The following SLC39A11 variants were observed in gnomAD, a reference collection of about 807,000 sequenced individuals.
The protein encoded by SLC39A11 is zinc transporter ZIP11.
In SLC39A11, 33 loss-of-function variants were observed where a neutral mutation model predicts 36.1. The ratio of observed to expected loss-of-function variants is 0.91; its 90% confidence interval spans 0.69 to 1.22. SLC39A11 has a LOEUF of 1.22. Among genes scored for constraint, SLC39A11 ranks in the 50% most tolerant of loss-of-function variants. The pLI, the probability that SLC39A11 is intolerant of heterozygous loss-of-function variation, is 0.00. For missense variants in SLC39A11, 432 were observed against 430.3 expected (o/e 1.00, Z -0.03); for synonymous variants, 166 against 170.3 (o/e 0.97, Z 0.20).
At chr17:72,863,766 G>A (rs770039501) in intron 5 of SLC39A11, among the ~76,000 whole-genome samples, 6 of 152,202 alleles carry the variant, frequency 3.9e-5, no homozygotes, top group Non-Finnish European at 7.3e-5. Context: ...CCATGGCAAC[G>A]CACGAGCAAC....
chr17:73,018,218 A>G (rs1337228997), intron 4 of SLC39A11, among the ~76,000 whole-genome samples: 5 of 152,214 alleles, frequency 3.3e-5, no homozygotes, highest in Admixed American at 6.5e-5. Flanking sequence ...TCTCTTAACA[A>G]TAGACCACTG....
At chr17:72,772,634 T>G (rs755677) in intron 6 of SLC39A11, among the ~76,000 whole-genome samples, 21,352 of 152,158 alleles carry the variant, frequency 0.14, 1,573 homozygotes, top group Admixed American at 0.18. Context: ...CCTGTAGGCG[T>G]GTTCCTGTTG....
chr17:72,849,579 G>A lies in SLC39A11; in HGVS notation c.601+55C>T, dbSNP rs146605355. ...CCTTTTCCAGCCAGACAACTGTGCT[G>A]ACAAATGACTTTACCTTCAGGCAGT... On this transcript the variant is annotated intron_variant, in intron 6 of 9. Coordinates refer to ENST00000255559, the MANE Select transcript of SLC39A11 (RefSeq NM_139177.4). The A allele has an allele frequency of 6.5e-3, 9,319 of 1,423,426 alleles. 39 individuals carry two copies. The highest frequency in any genetic ancestry group is 7.6e-3 in the Non-Finnish European group (8,245 of 1,081,708). 88.2% of individuals were successfully genotyped at this position (1,423,426 alleles called of 1,614,324 possible).
At chr17:73,017,482 G>A (rs1001954455) in intron 4 of SLC39A11, among the ~76,000 whole-genome samples, 4 of 152,190 alleles carry the variant, frequency 2.6e-5, no homozygotes, top group South Asian at 2.1e-4. Context: ...GGAGGCTGAC[G>A]CAGGTGGATC....
chr17:72,648,136 C>A (rs2069654831), intron 9 of SLC39A11, among the ~76,000 whole-genome samples: 1 of 152,010 alleles, frequency 6.6e-6, no homozygotes, highest in Admixed American at 6.6e-5. Context: ...TTGAGACCAG[C>A]CTGGCTAACA....
rs562024142 is a variant in SLC39A11, at chr17:72,862,970, A to G, written c.431-13166T>C. ...CAAAACACAAAACAAACGACAAGAA[A>G]ACCCCACAAAAGCACTTGGGGAGCT... On this transcript the variant is annotated intron_variant, in intron 5 of 9. Coordinates refer to ENST00000255559, the MANE Select transcript of SLC39A11 (RefSeq NM_139177.4). Among the ~76,000 whole-genome samples, 17 of 152,304 alleles carry G rather than the reference A, an allele frequency of 1.1e-4. No homozygotes were observed. The South Asian group carries it at 3.3e-3, about 30-fold the overall frequency.
Position 72,988,054 on chromosome 17 carries a change from C to T in SLC39A11, c.307-40179G>A, listed in dbSNP as rs372435930. ...ATGGGGTCCATGAGATGTTTTGACA[C>T]AGCCATGCAGTGTGAAATAAGCACA... On this transcript the variant is annotated intron_variant, in intron 4 of 9. Transcript: ENST00000255559. 3.2e-4 allele frequency among the ~76,000 whole-genome samples: 49 copies of T among 152,302 alleles called. No homozygotes were observed. The South Asian group carries it at 9.7e-3, about 30-fold the overall frequency.
chr17:72,816,485 C>T (rs550047860), intron 6 of SLC39A11, among the ~76,000 whole-genome samples: 5 of 151,438 alleles, frequency 3.3e-5, no homozygotes, highest in East Asian at 3.9e-4. Flanking sequence ...AACTGCTTGA[C>T]GAACATTTGC....
At chr17:72,683,259 C>A (rs1215969548) in intron 7 of SLC39A11, among the ~76,000 whole-genome samples, 2 of 152,070 alleles carry the variant, frequency 1.3e-5, no homozygotes, top group Non-Finnish European at 2.9e-5. Context: ...AGTATACACC[C>A]CCATGGAAGA....
intron 4 of SLC39A11, among the ~76,000 whole-genome samples, chr17:73,004,244 G>GAAAGAA (rs1461670516): frequency 1.4e-5 from 2 of 146,608 alleles, no homozygotes; most frequent in African/African-American, 5.0e-5. Context: ...AAGAAAGAAA[G>GAAAGAA]AGAAAAAGCA....
At chr17:72,860,477 C>T (rs761728980) in intron 5 of SLC39A11, among the ~76,000 whole-genome samples, 7 of 152,176 alleles carry the variant, frequency 4.6e-5, no homozygotes, top group Non-Finnish European at 1.0e-4. Flanking sequence ...TCATTTCCTC[C>T]AGTTCCTCTC....
At chr17:73,026,690 C>T (rs973544919) in intron 4 of SLC39A11, among the ~76,000 whole-genome samples, 11 of 151,908 alleles carry the variant, frequency 7.2e-5, no homozygotes, top group African/African-American at 1.5e-4. Flanking sequence ...TGTTTTATAA[C>T]GAGATTTTTG....
intron 5 of SLC39A11, among the ~76,000 whole-genome samples, chr17:72,884,255 A>G (rs2081347490): frequency 6.6e-6 from 1 of 152,250 alleles, no homozygotes; most frequent in Non-Finnish European, 1.5e-5. Flanking sequence ...CAGCGTTGTC[A>G]CTGTGGATGG....
At chr17:72,859,438 G>T (rs1294008581) in intron 5 of SLC39A11, among the ~76,000 whole-genome samples, 1 of 151,538 alleles carries the variant, frequency 6.6e-6, no homozygotes, top group Non-Finnish European at 1.5e-5. Context: ...ACCTGTATTT[G>T]AACTGACAAC....
chr17:72,754,033 TATATATATATATACAC>T (rs1479507810), intron 6 of SLC39A11, among the ~76,000 whole-genome samples: 3 of 116,876 alleles, frequency 2.6e-5, no homozygotes, highest in African/African-American at 1.1e-4. Flanking sequence ...TATATATATA[TATATATATATATACAC>T]ATACACACAC....
rs187786631 is a variant in SLC39A11 at position 72,711,624 on chromosome 17, T to C, written c.671+25026A>G. Among the ~76,000 whole-genome samples, 5 of 152,336 alleles carry C rather than the reference T, an allele frequency of 3.3e-5. No individual in the cohort carries two copies. In the East Asian group the frequency reaches 9.6e-4, roughly 29 times the overall value. On this transcript the variant is annotated intron_variant, in intron 7 of 9. Coordinates refer to ENST00000255559, the MANE Select transcript of SLC39A11 (RefSeq NM_139177.4). ...TACAGAACTGGCACTGTAAGTGAAG[T>C]ACTGCAAGTAACAAGACCTAACCAT...
At chr17:73,074,967 CAG>C (rs2060275044) in intron 3 of SLC39A11, among the ~76,000 whole-genome samples, 2 of 152,166 alleles carry the variant, frequency 1.3e-5, no homozygotes, top group Admixed American at 1.3e-4. Context: ...TGCACTGATA[CAG>C]AGATTCCTAG....
chr17:73,034,249 CAG>C (rs1223435290), intron 3 of SLC39A11, among the ~76,000 whole-genome samples: 1 of 152,164 alleles, frequency 6.6e-6, no homozygotes, highest in African/African-American at 2.4e-5. Flanking sequence ...TTTTTTGAAA[CAG>C]AGTCTCTGTC....
chr17:72,972,126 T>C (rs903098), intron 4 of SLC39A11, among the ~76,000 whole-genome samples: 143,532 of 152,320 alleles, frequency 0.94, 67,830 homozygotes, highest in Middle Eastern at 0.99. Context: ...TGTAACAAAA[T>C]CACAGCCACT....
Sources: gnomAD v4.1 joint callset for allele counts (sites outside exome capture counted in the v4.1 genomes callset) on GRCh38, gnomAD v4.1.1 for gene constraint, MANE v1.5 for transcripts, NCBI Gene and HGNC (gene_info 2026-07-23, HGNC 2026-07-21) for gene names.